The following TENM3 variants were observed in gnomAD, a reference collection of about 807,000 sequenced individuals.
The protein encoded by TENM3 is teneurin-3.
TENM3 carries 63 observed loss-of-function variants against 255.1 expected under a neutral mutation model. The observed-to-expected ratio is 0.25, with a 90% confidence interval of 0.20 to 0.30. The LOEUF (loss-of-function observed/expected upper bound fraction) is 0.30, where lower values mean the gene tolerates loss of function less well. Ranked by LOEUF, TENM3 falls within the 10% of genes least tolerant of loss-of-function variation. The pLI is 1.00. For missense variants in TENM3, 2,929 were observed against 3,461.1 expected (o/e 0.85, Z 3.86); for synonymous variants, 1,306 against 1,322.3 (o/e 0.99, Z 0.27).
At chr4:182,522,543 A>G (rs1048192029) in intron 3 of TENM3, among the ~76,000 whole-genome samples, 4 of 152,078 alleles carry the variant, frequency 2.6e-5, no homozygotes, top group Admixed American at 6.5e-5. Flanking sequence ...GTAATATTCC[A>G]CTGTGTATAT....
the TENM3 span, among the ~76,000 whole-genome samples, chr4:181,705,957 AAAT>A: frequency 6.6e-6 from 1 of 152,142 alleles, no homozygotes; most frequent in Admixed American, 6.5e-5. Context: ...TCCATCTAAA[AAAT>A]AATAATAATA....
the TENM3 span, among the ~76,000 whole-genome samples, chr4:181,666,235 G>A: frequency 0.15 from 22,757 of 152,100 alleles, 2,360 homozygotes; most frequent in Non-Finnish European, 0.22. Context: ...GAAAGAAATT[G>A]TTATACTGTC....
chr4:182,180,515 ACTT>A lies in TENM3; in HGVS notation c.-76+35765_-76+35767del, dbSNP rs1322861233. On this transcript the variant is annotated intron_variant, in intron 1 of 2. Transcript: ENST00000512480. The stretch of plus-strand genomic sequence containing the variant: ...GTAAAGAGAGTAGTATTTTTTTAAT[ACTT>A]CTTTAATTTAGATGAGTTTCATAAA... Among the ~76,000 whole-genome samples the A allele has an allele frequency of 4.6e-5, 7 of 152,218 alleles. No homozygotes were observed. The South Asian group carries it at 1.5e-3, about 32-fold the overall frequency.
the TENM3 span, among the ~76,000 whole-genome samples, chr4:182,017,427 G>C: frequency 6.6e-6 from 1 of 152,338 alleles, no homozygotes; most frequent in Non-Finnish European, 1.5e-5. Context: ...TAGTCATTAA[G>C]ATTAAAGTTG....
the TENM3 span, among the ~76,000 whole-genome samples, chr4:181,880,938 T>C: frequency 6.6e-6 from 1 of 152,168 alleles, no homozygotes; most frequent in Non-Finnish European, 1.5e-5. Flanking sequence ...TCCTGAAACA[T>C]AGGAGTCATG....
the TENM3 span, among the ~76,000 whole-genome samples, chr4:181,794,056 C>A: frequency 0.21 from 31,376 of 152,088 alleles, 3,440 homozygotes; most frequent in East Asian, 0.39. Flanking sequence ...ACAAGCTTCG[C>A]AACATCTTTA....
the TENM3 span, chr4:181,522,984 C>A: frequency 1.5e-6 from 1 of 660,234 alleles, no homozygotes; most frequent in Non-Finnish European, 2.9e-6. Context: ...GGGTAGGATG[C>A]ATAGGGAACT....
intron 3 of TENM3, among the ~76,000 whole-genome samples, chr4:182,364,170 G>T (rs563237138): frequency 6.6e-6 from 1 of 151,892 alleles, no homozygotes; most frequent in Non-Finnish European, 1.5e-5. Flanking sequence ...GGATACGACA[G>T]ATGTGATAAA....
upstream of TENM3, chr4:182,141,193 G>A (rs1431206656): frequency 2.0e-5 from 3 of 152,274 alleles, no homozygotes; most frequent in Non-Finnish European, 4.4e-5. Flanking sequence ...ACACCGCAAA[G>A]TCACCAGCCG....
At chr4:181,945,580 T>C in the TENM3 span, among the ~76,000 whole-genome samples, 1 of 151,998 alleles carries the variant, frequency 6.6e-6, no homozygotes, top group Admixed American at 6.5e-5. Context: ...TTAGTCAATC[T>C]GCTTGTGTAT....
intron 2 of TENM3, among the ~76,000 whole-genome samples, chr4:182,329,627 A>T (rs1763628808): frequency 6.6e-6 from 1 of 152,306 alleles, no homozygotes; most frequent in Admixed American, 6.5e-5. Flanking sequence ...AGAGAAGACA[A>T]CCTGAACCAA....
chr4:182,682,005 T>C lies in TENM3; in HGVS notation c.2026T>C (p.Cys676Arg), dbSNP rs1360840188. Residue 676 changes from cysteine to arginine, a missense_variant, in exon 11 of 28, where the codon TGC (cysteine) becomes CGC (arginine). By Grantham distance (180) the Cys-to-Arg change is radical. Coordinates refer to ENST00000511685, the MANE Select transcript of TENM3 (RefSeq NM_001080477.4). ...TCDPNWTGPD[C>R]SNEICSVDCG... ...TGACCCTAACTGGACTGGCCCAGAC[T>C]GCTCAAACGGTGAGGTTAATAAATG... is the stretch of plus-strand genomic sequence containing the variant. 6.2e-7 allele frequency: 1 copy of C among 1,613,732 alleles called. No homozygotes were observed. Among genetic ancestry groups the C allele is most frequent in the Non-Finnish European group, 8.5e-7 (1 of 1,179,782 alleles).
chr4:182,733,891 G>A (rs1375481056), intron 16 of TENM3, among the ~76,000 whole-genome samples: 1 of 152,122 alleles, frequency 6.6e-6, no homozygotes, highest in Middle Eastern at 3.2e-3. Flanking sequence ...GTCTGTAGGT[G>A]CCAAATTTCT....
At chr4:182,701,034 T>C (rs1184663912) in intron 12 of TENM3, among the ~76,000 whole-genome samples, 2 of 151,988 alleles carry the variant, frequency 1.3e-5, no homozygotes, top group African/African-American at 2.4e-5. Context: ...ATTGTTATGG[T>C]GTTGAATGAT....
the TENM3 span, among the ~76,000 whole-genome samples, chr4:181,683,519 C>G: frequency 6.6e-6 from 1 of 152,126 alleles, no homozygotes. Flanking sequence ...AGTGGGGGGG[C>G]CAAGAATTTG....
chr4:182,016,900 A>T, the TENM3 span, among the ~76,000 whole-genome samples: 1 of 152,008 alleles, frequency 6.6e-6, no homozygotes, highest in East Asian at 1.9e-4. Flanking sequence ...AAATGAAACA[A>T]TTCAAAATAA....
intron 24 of TENM3, among the ~76,000 whole-genome samples, chr4:182,781,076 A>G (rs1479619138): frequency 6.6e-6 from 1 of 151,950 alleles, no homozygotes; most frequent in African/African-American, 2.4e-5. Flanking sequence ...TGCCCTGGCC[A>G]GAACTTCCAA....
chr4:181,837,169 A>G, the TENM3 span, among the ~76,000 whole-genome samples: 44 of 151,976 alleles, frequency 2.9e-4, no homozygotes, highest in Non-Finnish European at 1.0e-4. Flanking sequence ...CATTTTTTTT[A>G]AATAGAAAGT....
chr4:182,071,539 G>A, the TENM3 span, among the ~76,000 whole-genome samples: 285 of 149,652 alleles, frequency 1.9e-3, 1 homozygote, highest in African/African-American at 6.5e-3. Context: ...TCCATCTCCC[G>A]GGTTCAAGCA....
Sources: gnomAD v4.1 joint callset for allele counts (sites outside exome capture counted in the v4.1 genomes callset) on GRCh38, gnomAD v4.1.1 for gene constraint, MANE v1.5 for transcripts, NCBI Gene and HGNC (gene_info 2026-07-23, HGNC 2026-07-21) for gene names.